Variants in CCSER1 observed in about 807,000 individuals in gnomAD.
CCSER1 encodes the protein serine-rich coiled-coil domain-containing protein 1.
In CCSER1, 41 loss-of-function variants were observed where a neutral mutation model predicts 82.0. The ratio of observed to expected loss-of-function variants is 0.50; its 90% CI spans 0.39 to 0.65. CCSER1 has a LOEUF of 0.65. CCSER1 is among the 30% of genes least tolerant of loss of function. CCSER1 has a pLI of 0.00. For synonymous variants in CCSER1, 414 were observed against 383.9 expected (o/e 1.08, Z -0.92); for missense variants, 1,119 against 1,064.2 (o/e 1.05, Z -0.72).
At chr4:90,970,453 A>G (rs1734995965) in intron 9 of CCSER1, among the ~76,000 whole-genome samples, 1 of 152,036 alleles carries the variant, frequency 6.6e-6, no homozygotes, top group South Asian at 2.1e-4. Flanking sequence ...CAAATATATA[A>G]AGCAAACATT....
intron 6 of CCSER1, among the ~76,000 whole-genome samples, chr4:90,651,615 C>T (rs1441574948): frequency 6.6e-6 from 1 of 151,956 alleles, no homozygotes; most frequent in Non-Finnish European, 1.5e-5. Context: ...TGCAACAAAC[C>T]ACCATGGCAC....
At chr4:91,151,017 A>T (rs891287931) in intron 10 of CCSER1, among the ~76,000 whole-genome samples, 1 of 151,952 alleles carries the variant, frequency 6.6e-6, no homozygotes, top group Non-Finnish European at 1.5e-5. Context: ...CTCTTTTTTT[A>T]TTGATTGAAT....
chr4:90,927,053 T>C (rs1431251098), intron 9 of CCSER1, among the ~76,000 whole-genome samples: 1 of 152,034 alleles, frequency 6.6e-6, no homozygotes, highest in African/African-American at 2.4e-5. Context: ...TATTTGAGAA[T>C]GCATAATCAA....
rs565978144 is a variant in CCSER1, at chr4:90,706,848, T to G, written c.1933-17066T>G. On this transcript the variant is annotated intron_variant, in intron 6 of 10. Transcript: ENST00000509176. ...GCCACAGGATATGCTAAACCATTTG[T>G]CCTTTTTGAGAGGGTTTGTGAAAGA... Among the ~76,000 whole-genome samples the G allele has an allele frequency of 4.6e-3, 696 of 152,344 alleles. 4 individuals are homozygous for G. The highest frequency in any genetic ancestry group is 6.5e-3 in the Non-Finnish European group (442 of 68,032).
chr4:90,794,684 G>T (rs1453766298), intron 7 of CCSER1, among the ~76,000 whole-genome samples: 3 of 152,082 alleles, frequency 2.0e-5, no homozygotes, highest in African/African-American at 7.2e-5. Context: ...TTTTAAAATA[G>T]CATTTTCTGG....
intron 7 of CCSER1, among the ~76,000 whole-genome samples, chr4:90,729,432 A>G (rs1744303815): frequency 1.3e-5 from 2 of 152,208 alleles, no homozygotes; most frequent in Admixed American, 6.5e-5. Flanking sequence ...GAGCTCATAT[A>G]TCAGATTCCT....
intron 7 of CCSER1, among the ~76,000 whole-genome samples, chr4:90,797,088 A>C (rs1304912614): frequency 1.3e-5 from 2 of 152,150 alleles, no homozygotes; most frequent in African/African-American, 4.8e-5. Flanking sequence ...GGGATGTTAA[A>C]GTCTCCCATG....
At chr4:90,694,257 CTACTT>C (rs1166503003) in intron 6 of CCSER1, among the ~76,000 whole-genome samples, 9 of 149,244 alleles carry the variant, frequency 6.0e-5, no homozygotes, top group Non-Finnish European at 1.3e-4. Context: ...TGCTAACTAA[CTACTT>C]TATATATTTT....
chr4:90,945,214 T>C (rs1286621977), intron 9 of CCSER1, among the ~76,000 whole-genome samples: 1 of 152,126 alleles, frequency 6.6e-6, no homozygotes, highest in African/African-American at 2.4e-5. Flanking sequence ...TGTCATAATA[T>C]ACTACAAAAA....
chr4:91,516,687 C>T (rs1041980797), intron 10 of CCSER1, among the ~76,000 whole-genome samples: 3 of 151,928 alleles, frequency 2.0e-5, no homozygotes, highest in African/African-American at 4.8e-5. Flanking sequence ...CTTGTTTCTT[C>T]GGGTTCTTTT....
At chr4:91,218,236 G>A (rs62310758) in intron 10 of CCSER1, among the ~76,000 whole-genome samples, 3 of 152,212 alleles carry the variant, frequency 2.0e-5, no homozygotes, top group African/African-American at 7.2e-5. Context: ...ATTGCCCGGG[G>A]CCAGAAGGGT....
chr4:91,289,054 A>C (rs1033291251), intron 10 of CCSER1, among the ~76,000 whole-genome samples: 10 of 152,092 alleles, frequency 6.6e-5, no homozygotes, highest in Non-Finnish European at 8.8e-5. Flanking sequence ...AGAGACCTAA[A>C]GCCAAAGGAG....
chr4:90,272,799 T>G (rs959241746), intron 1 of CCSER1, among the ~76,000 whole-genome samples: 4 of 152,226 alleles, frequency 2.6e-5, no homozygotes, highest in Non-Finnish European at 5.9e-5. Context: ...GGTCAGGAGT[T>G]TGAGACCAGC....
At chr4:90,510,512 A>C (rs1023758325) in intron 5 of CCSER1, among the ~76,000 whole-genome samples, 3 of 152,246 alleles carry the variant, frequency 2.0e-5, no homozygotes, top group African/African-American at 7.2e-5. Flanking sequence ...TGAGACAAAG[A>C]AATGAGAAGT....
At chr4:90,315,071 T>G (rs1735944081) in intron 3 of CCSER1, among the ~76,000 whole-genome samples, 1 of 151,742 alleles carries the variant, frequency 6.6e-6, no homozygotes, top group Admixed American at 6.6e-5. Context: ...GGTCTTGAAC[T>G]CCTCCTGACC....
intron 10 of CCSER1, among the ~76,000 whole-genome samples, chr4:91,515,113 A>G (rs953254323): frequency 6.6e-6 from 1 of 152,058 alleles, no homozygotes; most frequent in Non-Finnish European, 1.5e-5. Context: ...TTATGGTATT[A>G]TTTTTCACCC....
At chr4:90,692,974 G>T (rs1337968958) in intron 6 of CCSER1, among the ~76,000 whole-genome samples, 1 of 151,738 alleles carries the variant, frequency 6.6e-6, no homozygotes, top group Non-Finnish European at 1.5e-5. Context: ...TTTATTTGTG[G>T]AAAGAGCTAA....
chr4:90,673,369 T>C (rs1733174158), intron 6 of CCSER1, among the ~76,000 whole-genome samples: 1 of 151,980 alleles, frequency 6.6e-6, no homozygotes, highest in Non-Finnish European at 1.5e-5. Flanking sequence ...AATTCACCTG[T>C]ATAGAATATC....
intron 10 of CCSER1, among the ~76,000 whole-genome samples, chr4:91,379,101 C>A (rs1750666913): frequency 6.6e-6 from 1 of 152,070 alleles, no homozygotes; most frequent in Non-Finnish European, 1.5e-5. Context: ...GGGATGAAGC[C>A]CACTTGATCA....
Sources: allele counts gnomAD v4.1 joint callset (sites outside exome capture counted in the v4.1 genomes callset), GRCh38; gene constraint gnomAD v4.1.1; transcripts MANE v1.5; gene names NCBI Gene and HGNC (gene_info 2026-07-23, HGNC 2026-07-21).